Variants in RFX3 observed in about 807,000 individuals in gnomAD.
The protein encoded by RFX3 is regulatory factor X3, also known as transcription factor RFX3.
In RFX3, 14 loss-of-function variants were observed where a neutral mutation model predicts 98.6. The observed-to-expected ratio is 0.14, with a 90% confidence interval of 0.09 to 0.22. The LOEUF is 0.22. Ranked by LOEUF, RFX3 falls within the 10% of genes least tolerant of loss-of-function variation. RFX3 has a pLI of 1.00. For missense variants in RFX3, 639 were observed against 926.9 expected (o/e 0.69, Z 4.03); for synonymous variants, 383 against 328.4 (o/e 1.17, Z -1.80).
chr9:3,303,093 G>C (rs924794339), intron 4 of RFX3, among the ~76,000 whole-genome samples: 2 of 151,664 alleles, frequency 1.3e-5, no homozygotes, highest in African/African-American at 4.8e-5. Flanking sequence ...TCTCTTCTAA[G>C]AAACACAGGC....
chr9:3,269,179 T>A (rs375897742), intron 11 of RFX3, among the ~76,000 whole-genome samples: 2 of 152,050 alleles, frequency 1.3e-5, no homozygotes, highest in Admixed American at 6.6e-5. Context: ...ATTTTTTTTT[T>A]ACTTATTCCT....
At chr9:3,263,184 G>C (rs1823149507) in intron 12 of RFX3, 100 bp from the exon 13 acceptor site, 1 of 1,207,592 alleles carries the variant, frequency 8.3e-7, no homozygotes, top group Admixed American at 2.1e-5. Flanking sequence ...TTAAATGCTT[G>C]CCTCTGACAC....
At chr9:3,256,951 G>T in intron 14 of RFX3, 40 bp downstream of exon 14, 1 of 1,530,980 alleles carries the variant, frequency 6.5e-7, no homozygotes, top group South Asian at 1.1e-5. Context: ...CATATTTGCA[G>T]AATATGAAGA....
chr9:3,289,549 G>A (rs1009066759), intron 6 of RFX3, among the ~76,000 whole-genome samples: 13 of 152,104 alleles, frequency 8.5e-5, no homozygotes, highest in Admixed American at 6.6e-5. Flanking sequence ...AGGTACGGTA[G>A]GAAGCAGGAG....
intron 9 of RFX3, 61 bp from the exon 10 acceptor site, chr9:3,271,179 C>T: frequency 7.0e-7 from 1 of 1,423,626 alleles, no homozygotes; most frequent in Non-Finnish European, 9.9e-7. Context: ...TGTGTGAGGA[C>T]AGTCTAACAT....
chr9:3,358,890 T>C (rs1023530909), intron 2 of RFX3, among the ~76,000 whole-genome samples: 3 of 151,824 alleles, frequency 2.0e-5, no homozygotes, highest in African/African-American at 4.8e-5. Flanking sequence ...TATAAAACCA[T>C]CAGATCTCAT....
In RFX3 at chr9:3,293,126, A is replaced by G. The variant is rs989643089; in HGVS notation, c.682T>C (p.Leu228=). ...AGCCCCATAAAAATTGATCTTATTA[A>G]TTTTCCAAAAGAGGCAGCATTGACT... ...DPVNAASFGK[L]IRSIFMGLRT... Residue 228 remains leucine (L), a synonymous_variant, in exon 6 of 17, where the codon TTA becomes CTA. Transcript: ENST00000617270. 14 of 1,613,232 alleles carry G rather than the reference A, an allele frequency of 8.7e-6. No homozygotes were observed. Among genetic ancestry groups the G allele is most frequent in the Middle Eastern group, 1.6e-4 (1 of 6,080 alleles).
At chr9:3,386,672 A>C (rs1025099340) in intron 2 of RFX3, among the ~76,000 whole-genome samples, 5 of 152,198 alleles carry the variant, frequency 3.3e-5, no homozygotes, top group African/African-American at 1.2e-4. Context: ...ATCAAGTGTC[A>C]AAGAAAAATC....
At chr9:3,500,286 G>C (rs1259399326) in intron 1 of RFX3, among the ~76,000 whole-genome samples, 3 of 152,118 alleles carry the variant, frequency 2.0e-5, no homozygotes, top group Non-Finnish European at 2.9e-5. Context: ...GCACAGCAGA[G>C]CAAATGGGAG....
intron 15 of RFX3, among the ~76,000 whole-genome samples, chr9:3,244,008 T>TG (rs1404621242): frequency 8.1e-5 from 1 of 12,372 alleles, no homozygotes; most frequent in Non-Finnish European, 8.0e-4. Context: ...ATTTTTATTA[T>TG]TTTTTTTTTT....
In RFX3 at chr9:3,422,984, C is replaced by A. The variant is rs549324353; in HGVS notation, c.-8-27388G>T. 2.5e-3 allele frequency among the ~76,000 whole-genome samples: 375 copies of A among 152,256 alleles called. 3 individuals carry two copies. Among genetic ancestry groups the A allele is most frequent in the African/African-American group, 8.7e-3 (360 of 41,536 alleles). On this transcript the variant is annotated intron_variant, in intron 1 of 16. Transcript: ENST00000617270. ...TAAAGATCTATGTGAAAACTGACAA[C>A]CTTGGGAAGATAAAAGACAAAAAAT...
In RFX3 at chr9:3,288,296, T is replaced by C. The variant is rs200334406; in HGVS notation, c.732-46A>G. 1.7e-5 allele frequency: 27 copies of C among 1,580,382 alleles called. No homozygotes were observed. The African/African-American group carries it at 2.8e-4, about 17-fold the overall frequency. ...CATTAGAAACAAAAGTCAGTCAAAC[T>C]AATATTAATCACATGGGATGTCCAT... On this transcript the variant is annotated intron_variant, in intron 6 of 16. Transcript: ENST00000617270.
chr9:3,418,618 G>A (rs770481349), intron 1 of RFX3, among the ~76,000 whole-genome samples: 11 of 152,216 alleles, frequency 7.2e-5, no homozygotes, highest in Admixed American at 3.9e-4. Flanking sequence ...GACTTCAGGC[G>A]ATCCGTCTGC....
At position 3,222,530 on chromosome 9, in the gene RFX3, A is replaced by C. The variant is rs1007028613; in HGVS notation, c.*2512T>G. On this transcript the variant is annotated 3_prime_UTR_variant, in exon 17 of 17. Coordinates refer to ENST00000617270, the MANE Select transcript of RFX3 (RefSeq NM_001282116.2). ...TAAATACATTTAAAGTCATTCAATA[A>C]ACAAAATGAAACCAGTAAATACATT... 6 of 152,164 alleles carry C rather than the reference A, an allele frequency of 3.9e-5. No homozygotes were observed. Among genetic ancestry groups the C allele is most frequent in the Non-Finnish European group, 8.8e-5 (6 of 68,018 alleles). The allele number at this position is 152,164 out of a possible 1,614,324, so 9.4% of individuals were successfully genotyped here. A position where few individuals can be genotyped will look rare whatever the true frequency, so the allele number is the denominator to read the frequency against.
intron 1 of RFX3, among the ~76,000 whole-genome samples, chr9:3,398,410 T>C (rs760841227): frequency 3.0e-4 from 45 of 152,172 alleles, no homozygotes; most frequent in Non-Finnish European, 5.7e-4. Flanking sequence ...TTATATGCCA[T>C]TTGTGCTATA....
intron 1 of RFX3, chr9:3,420,997 G>T: frequency 1.7e-3 from 628 of 367,158 alleles, no homozygotes; most frequent in Middle Eastern, 3.1e-3. Context: ...GACTCTCAGA[G>T]ATAAATATTT....
intron 1 of RFX3, among the ~76,000 whole-genome samples, chr9:3,503,288 G>T (rs1042441467): frequency 6.6e-6 from 1 of 151,924 alleles, no homozygotes; most frequent in Non-Finnish European, 1.5e-5. Context: ...AATAAATATT[G>T]TATATATAAT....
At chr9:3,466,857 T>A (rs1294028084) in intron 1 of RFX3, among the ~76,000 whole-genome samples, 1 of 151,656 alleles carries the variant, frequency 6.6e-6, no homozygotes, top group African/African-American at 2.4e-5. Flanking sequence ...TTTACTACCA[T>A]CCTTGGATCT....
At chr9:3,245,672 T>A (rs528224) in intron 15 of RFX3, among the ~76,000 whole-genome samples, 128,862 of 152,188 alleles carry the variant, frequency 0.85, 55,490 homozygotes, top group East Asian at 0.98. Context: ...AGCCATTAGT[T>A]GATACAGCAA....
Sources: allele counts gnomAD v4.1 joint callset (sites outside exome capture counted in the v4.1 genomes callset), GRCh38; gene constraint gnomAD v4.1.1; transcripts MANE v1.5; gene names NCBI Gene and HGNC (gene_info 2026-07-23, HGNC 2026-07-21).